GRAMD4: variants seen among roughly 807,000 people sequenced by gnomAD.
GRAMD4 encodes GRAM domain-containing protein 4.
In GRAMD4, 25 loss-of-function variants were observed where a neutral mutation model predicts 83.9. The observed-to-expected ratio is 0.30, with a 90% CI of 0.22 to 0.42. GRAMD4 has a LOEUF of 0.42. Ranked by LOEUF, GRAMD4 falls within the 10% of genes least tolerant of loss-of-function variation. The pLI is 1.00. For synonymous variants in GRAMD4, 336 were observed against 320.9 expected, an observed-to-expected ratio of 1.05 and a Z score of -0.50; for missense variants, 593 against 788.7, an observed-to-expected ratio of 0.75 and a Z score of 2.97.
intron 1 of GRAMD4, among the ~76,000 whole-genome samples, chr22:46,610,953 G>C (rs2147090149): frequency 1.3e-5 from 2 of 152,282 alleles, no homozygotes; most frequent in South Asian, 4.1e-4. Flanking sequence ...GGTGGCTCAT[G>C]CCTGTAATCC....
At chr22:46,661,499 C>T (rs1031633356) in intron 5 of GRAMD4, 57 bp downstream of exon 5, 3 of 1,196,072 alleles carry the variant, frequency 2.5e-6, no homozygotes, top group African/African-American at 1.5e-5. Context: ...CTGCGCGTCA[C>T]CTGCTGGTTC....
At chr22:46,609,734 A>G (rs2081399395) in intron 1 of GRAMD4, among the ~76,000 whole-genome samples, 1 of 152,196 alleles carries the variant, frequency 6.6e-6, no homozygotes, top group South Asian at 2.1e-4. Context: ...ACAGCAGAGC[A>G]GGGTCTGCAG....
rs142603350 is a variant in GRAMD4 at position 46,583,346 on chromosome 22, A to T, written c.-50+6056A>T. On this transcript the variant is annotated intron_variant, in intron 1 of 1. Coordinates refer to the GRAMD4 transcript ENST00000431155. Reference sequence around the variant, plus strand: ...GTGATTAACATCTTACATTAGTATGATAGGTTTGTTACAATCCATGGACTA... The same window carrying T: ...GTGATTAACATCTTACATTAGTATGTTAGGTTTGTTACAATCCATGGACTA... 3.6e-3 allele frequency among the ~76,000 whole-genome samples: 551 copies of T among 152,352 alleles called. 3 individuals are homozygous for T. The highest frequency in any genetic ancestry group is 0.013 in the African/African-American group (534 of 41,584).
chr22:46,623,875 G>A (rs1244076303), intron 1 of GRAMD4, among the ~76,000 whole-genome samples: 2 of 151,154 alleles, frequency 1.3e-5, no homozygotes, highest in African/African-American at 4.9e-5. Flanking sequence ...TCCACCTCCC[G>A]GGTTCAAGCA....
downstream of GRAMD4, among the ~76,000 whole-genome samples, chr22:46,680,745 T>C (rs868382927): frequency 3.1e-4 from 16 of 51,562 alleles, no homozygotes; most frequent in Admixed American, 4.6e-4. Context: ...CACCCACCCA[T>C]CCATCCATCC....
intron 17 of GRAMD4, among the ~76,000 whole-genome samples, chr22:46,675,961 G>A (rs542256290): frequency 3.2e-4 from 49 of 152,336 alleles, no homozygotes; most frequent in Middle Eastern, 3.4e-3. Context: ...GCATTTTACC[G>A]TAGCATGGAA....
Position 46,679,629 on chromosome 22 carries a change from G to C in GRAMD4, c.*2378G>C. ...TTGGATCTGTAAATAATCATTGCCA[G>C]TGTGACTTTTGTTCAACAAAAGGAT... is the stretch of plus-strand genomic sequence containing the variant. On this transcript the variant is annotated 3_prime_UTR_variant, in exon 19 of 19. Transcript: ENST00000406902. The C allele has an allele frequency of 1.0e-6, 1 of 983,262 alleles. No individual in the cohort carries two copies. Among genetic ancestry groups the C allele is most frequent in the Non-Finnish European group, 1.2e-6 (1 of 827,734 alleles). 60.9% of individuals were successfully genotyped at this position (983,262 alleles called of 1,614,324 possible).
chr22:46,675,360 A>G (rs2082581065), intron 16 of GRAMD4, 108 bp from the exon 17 acceptor site: 1 of 766,996 alleles, frequency 1.3e-6, no homozygotes. Flanking sequence ...AGGGAGCACC[A>G]CTGTCCATCC....
chr22:46,662,177 G>A (rs2082337788), intron 5 of GRAMD4, among the ~76,000 whole-genome samples: 1 of 152,230 alleles, frequency 6.6e-6, no homozygotes, highest in African/African-American at 2.4e-5. Flanking sequence ...CCTTGGGGGC[G>A]GGAAGAAGCC....
chr22:46,617,776 C>A (rs1231026538), upstream of GRAMD4, among the ~76,000 whole-genome samples: 2 of 152,162 alleles, frequency 1.3e-5, no homozygotes, highest in East Asian at 3.9e-4. Context: ...CTCCCTGGCC[C>A]CCCTGGGTGG....
chr22:46,584,275 C>T (rs979975306), intron 1 of GRAMD4, among the ~76,000 whole-genome samples: 4 of 152,018 alleles, frequency 2.6e-5, no homozygotes, highest in Admixed American at 2.0e-4. Flanking sequence ...ATCCAGGTGG[C>T]GGGTACGCTC....
rs183472225 is a variant in GRAMD4 at position 46,669,991 on chromosome 22, G to A, written c.1084+1083G>A. On this transcript the variant is annotated intron_variant, in intron 13 of 18. Coordinates refer to ENST00000406902, the MANE Select transcript of GRAMD4 (RefSeq NM_015124.5). Reference sequence around the variant, plus strand: ...CACACTGGCATGTGGGAGCGAGGCCGCCAGGGTCCTGTCCTTGAGGGGCAG... The same window carrying A: ...CACACTGGCATGTGGGAGCGAGGCCACCAGGGTCCTGTCCTTGAGGGGCAG... Among the ~76,000 whole-genome samples the A allele has an allele frequency of 1.4e-4, 21 of 152,340 alleles. No homozygotes were observed. In the East Asian group the frequency reaches 3.9e-3, roughly 28 times the overall value.
Position 46,621,081 on chromosome 22 carries a change from G to T in GRAMD4, c.-50+516G>T, listed in dbSNP as rs1392016376. ...TGGGCTTCCTCCAGGGACCGTGGAGGGGGTGGGGATGGGCAGCTAGAAGTG... is the reference window on the plus strand; with the variant it reads ...TGGGCTTCCTCCAGGGACCGTGGAGTGGGTGGGGATGGGCAGCTAGAAGTG... On this transcript the variant is annotated intron_variant, in intron 1 of 18. Coordinates refer to ENST00000406902, the MANE Select transcript of GRAMD4 (RefSeq NM_015124.5). This position sits in a 1 kb window ranked among gnomAD's most constrained non-coding sequence, Gnocchi z 5.8. Among the ~76,000 whole-genome samples the T allele has an allele frequency of 2.6e-5, 4 of 152,216 alleles. No individual in the cohort carries two copies. The highest frequency in any genetic ancestry group is 4.8e-5 in the African/African-American group (2 of 41,540).
Position 46,612,307 on chromosome 22 carries a change from G to T in GRAMD4, c.-49-14444G>T, listed in dbSNP as rs867535423. Among the ~76,000 whole-genome samples, 61 of 152,280 alleles carry T rather than the reference G, an allele frequency of 4.0e-4. No individual in the cohort carries two copies. The Middle Eastern group carries it at 0.01, about 25-fold the overall frequency. On this transcript the variant is annotated intron_variant, in intron 1 of 1. Transcript: ENST00000431155. ...CAGGTGTGAGCCACTGAGGCTGGCC[G>T]ATGGTACTGTTGTTATTGTTACTGT...
chr22:46,576,851 GGCGGCGGCCGCGCGTGCGCGTGGGTGCGA>G (rs1365820782), upstream of GRAMD4, among the ~76,000 whole-genome samples: 70 of 146,772 alleles, frequency 4.8e-4, no homozygotes, highest in African/African-American at 1.5e-3. Context: ...GGCCGTGGCC[GGCGGCGGCCGCGCGTGCGCGTGGGTGCGA>G]GCGGCGGGGG....
intron 1 of GRAMD4, among the ~76,000 whole-genome samples, chr22:46,587,501 C>T (rs2081162391): frequency 6.6e-6 from 1 of 151,588 alleles, no homozygotes; most frequent in Non-Finnish European, 1.5e-5. Flanking sequence ...TTTCTGTAGC[C>T]CTTCTCTTCC....
At chr22:46,639,671 C>T (rs963902592) in intron 3 of GRAMD4, among the ~76,000 whole-genome samples, 3 of 150,342 alleles carry the variant, frequency 2.0e-5, no homozygotes, top group Non-Finnish European at 3.0e-5. Context: ...GCAGTATTAC[C>T]GTGTGTGTGT....
At chr22:46,599,293 G>A (rs1033167849) in intron 1 of GRAMD4, among the ~76,000 whole-genome samples, 2 of 151,894 alleles carry the variant, frequency 1.3e-5, no homozygotes, top group East Asian at 1.9e-4. Context: ...TGAGCTGGTC[G>A]TTTCATAGTT....
At position 46,678,372 on chromosome 22, in the gene GRAMD4, C is replaced by T. The variant is rs911311130; in HGVS notation, c.*1121C>T. ...GCGTTCCCTCCCCCGCGTGCCTAGC[C>T]GGTGCCGGTCCGGGCACAGACCCCC... On this transcript the variant is annotated 3_prime_UTR_variant, in exon 19 of 19. Coordinates refer to ENST00000406902, the MANE Select transcript of GRAMD4 (RefSeq NM_015124.5). 26 of 985,052 alleles carry T rather than the reference C, an allele frequency of 2.6e-5. No individual in the cohort carries two copies. The Admixed American group carries it at 3.1e-4, about 12-fold the overall frequency. 61.0% of individuals were successfully genotyped at this position (985,052 alleles called of 1,614,324 possible).
Sources: allele counts gnomAD v4.1 joint callset (sites outside exome capture counted in the v4.1 genomes callset), GRCh38; gene constraint gnomAD v4.1.1; non-coding constraint Gnocchi (gnomAD v3.1); transcripts MANE v1.5; gene names NCBI Gene and HGNC (gene_info 2026-07-23, HGNC 2026-07-21).